The following ZNF597 variants were observed in gnomAD, a reference collection of about 807,000 sequenced individuals.
The protein encoded by ZNF597 is zinc finger protein 597.
ZNF597 carries 5 observed loss-of-function variants against 7.3 expected under a neutral mutation model. The ratio of observed to expected loss-of-function variants is 0.68; its 90% CI spans 0.36 to 1.44. ZNF597 has a LOEUF of 1.44. ZNF597 is among the 40% of genes most tolerant of loss of function. The pLI is 0.04. For missense variants in ZNF597, 585 were observed against 517.9 expected (o/e 1.13, Z -1.26); for synonymous variants, 209 against 185.4 (o/e 1.13, Z -1.04).
chr16:3,443,032 C>T lies in ZNF597; in HGVS notation c.33+89G>A, dbSNP rs1029472779. The T allele has an allele frequency of 2.5e-5, 38 of 1,526,290 alleles. No individual in the cohort carries two copies. In the South Asian group the frequency reaches 3.7e-4, roughly 15 times the overall value. The allele number at this position is 1,526,290 out of a possible 1,614,324, so 94.5% of individuals were successfully genotyped here. On this transcript the variant is annotated intron_variant, in intron 2 of 3. Coordinates refer to ENST00000301744, the MANE Select transcript of ZNF597 (RefSeq NM_152457.3). Reference sequence around the variant, plus strand: ...GGGCTCAGGAGCACTCCTACCACAACAGGCATGCCCAACTCTCCTCCAAAG... The same window carrying T: ...GGGCTCAGGAGCACTCCTACCACAATAGGCATGCCCAACTCTCCTCCAAAG...
rs1288292761 is a variant in ZNF597, at chr16:3,436,949, C to T, written c.750G>A (p.Met250Ile). ...GATGCTGTGCCAATCCTGGGAGCCA[C>T]ATAAAACCTCTACCACATATGCTAC... ...YTCSICGRGF[M>I]WLPGLAQHQK... is the part of the protein sequence containing the mutation. The change falls in exon 4 of 4, where the codon ATG (methionine) becomes ATA (isoleucine). Residue 250 changes from methionine (M) to isoleucine (I), a missense_variant. Physicochemically the swap from Met to Ile is conservative, Grantham distance 10 (BLOSUM62 1). Coordinates refer to ENST00000301744, the MANE Select transcript of ZNF597 (RefSeq NM_152457.3). 1 of 1,614,082 alleles carries T rather than the reference C, an allele frequency of 6.2e-7. No homozygotes were observed. The highest frequency in any genetic ancestry group is 8.5e-7 in the Non-Finnish European group (1 of 1,180,046).
intron 2 of ZNF597, 80 bp downstream of exon 2, chr16:3,443,041 C>A: frequency 6.4e-7 from 1 of 1,570,858 alleles, no homozygotes; most frequent in Non-Finnish European, 8.8e-7. Flanking sequence ...ACAGGCATGC[C>A]CAACTCTCCT....
chr16:3,436,638 G>T lies in ZNF597; in HGVS notation c.1061C>A (p.Ser354Tyr). ...PDCDMTFPCF[S>Y]ELISHQNIHT... ...AATGTTCTGATGGGAAATAAGCTCAGAGAAACAAGGAAAGGTCATGTCACA... is the reference window on the plus strand; with the variant it reads ...AATGTTCTGATGGGAAATAAGCTCATAGAAACAAGGAAAGGTCATGTCACA... Residue 354 changes from serine (S) to tyrosine (Y), a missense_variant, in exon 4 of 4, where the codon TCT becomes TAT. By Grantham distance (144) the Ser-to-Tyr change is moderately radical (BLOSUM62 -2). Transcript: ENST00000301744. The T allele has an allele frequency of 6.2e-7, 1 of 1,608,036 alleles. No individual in the cohort carries two copies. The highest frequency in any genetic ancestry group is 8.5e-7 in the Non-Finnish European group (1 of 1,176,676).
Position 3,436,834 on chromosome 16 carries a change from T to C in ZNF597, c.865A>G (p.Thr289Ala). 1 of 1,614,014 alleles carries C rather than the reference T, an allele frequency of 6.2e-7. No individual in the cohort carries two copies. The highest frequency in any genetic ancestry group is 8.5e-7 in the Non-Finnish European group (1 of 1,180,044). ...TGGTACTGGGGGCCTGATACGAATG[T>C]TTCCTCAGGCAAAGCAAGATTTGGT... The part of the protein sequence containing the change: ...EKPNLALPEE[T>A]FVSGPQYQHT... The change falls in exon 4 of 4, where the codon ACA becomes GCA. Residue 289 changes from threonine to alanine, a missense_variant. Coordinates refer to ENST00000301744, the MANE Select transcript of ZNF597 (RefSeq NM_152457.3).
rs1221316620 is a variant in ZNF597 at position 3,443,146 on chromosome 16, G to A, written c.8C>T (p.Ser3Phe). The change falls in exon 2 of 4, where the codon TCC (serine) becomes TTC (phenylalanine). Residue 3 changes from serine (S) to phenylalanine (F), a missense_variant. Coordinates refer to ENST00000301744, the MANE Select transcript of ZNF597 (RefSeq NM_152457.3). MASMPPTPEAQGP... is the reference protein window; with the variant it reads MAFMPPTPEAQGP... Reference sequence around the variant, plus strand: ...CTGGGCCTCGGGCGTCGGGGGCATGGACGCCATTTGGCGGGTGGGGAATGC... The same window carrying A: ...CTGGGCCTCGGGCGTCGGGGGCATGAACGCCATTTGGCGGGTGGGGAATGC... The A allele has an allele frequency of 6.2e-7, 1 of 1,613,436 alleles. No individual in the cohort carries two copies. Among genetic ancestry groups the A allele is most frequent in the South Asian group, 1.1e-5 (1 of 90,992 alleles).
Position 3,437,161 on chromosome 16 carries a change from CTGAA to C in ZNF597, c.534_537del (p.His178GlnfsTer21). 1 of 1,614,088 alleles carries C rather than the reference CTGAA, an allele frequency of 6.2e-7. No individual in the cohort carries two copies. The highest frequency in any genetic ancestry group is 1.1e-5 in the South Asian group (1 of 91,084). ...TCACCACATTTATGTTTTTTCTCTC[CTGAA>C]TGAATTTTCTGATGCAAAACTAGGT... On this transcript the variant is annotated frameshift_variant, in exon 4 of 4. Transcript: ENST00000301744. LOFTEE classifies it low-confidence loss of function (END_TRUNC).
intron 3 of ZNF597, among the ~76,000 whole-genome samples, chr16:3,437,825 A>G (rs184995948): frequency 6.6e-6 from 1 of 152,328 alleles, no homozygotes; most frequent in Admixed American, 6.5e-5. Context: ...CTAGAGGTGA[A>G]CTTTTCCATC....
chr16:3,437,151 T>A lies in ZNF597; in HGVS notation c.548A>T (p.Lys183Ile). 1.2e-6 allele frequency: 2 copies of A among 1,614,132 alleles called. No individual in the cohort carries two copies. Among genetic ancestry groups the A allele is most frequent in the Non-Finnish European group, 1.7e-6 (2 of 1,180,028 alleles). The change falls in exon 4 of 4, where the codon AAA becomes ATA. Residue 183 changes from lysine to isoleucine, a missense_variant. Coordinates refer to ENST00000301744, the MANE Select transcript of ZNF597 (RefSeq NM_152457.3). ...LHQKIHSGEK[K>I]HKCGDCGKIF... ...CTTTCCACAGTCACCACATTTATGTTTTTTCTCTCCTGAATGAATTTTCTG... is the reference window on the plus strand; with the variant it reads ...CTTTCCACAGTCACCACATTTATGTATTTTCTCTCCTGAATGAATTTTCTG...
rs1186312932 is a variant in ZNF597 at position 3,443,503 on chromosome 16, C to T, written c.-197G>A. 2 of 508,942 alleles carry T rather than the reference C, an allele frequency of 3.9e-6. No individual in the cohort carries two copies. The highest frequency in any genetic ancestry group is 6.8e-6 in the Non-Finnish European group (2 of 292,528). 31.5% of individuals were successfully genotyped at this position (508,942 alleles called of 1,614,324 possible). On this transcript the variant is annotated 5_prime_UTR_variant, in exon 1 of 4. Transcript: ENST00000301744. Reference sequence around the variant, plus strand: ...CTTTACGCAGGAGCTGCGGGAAAAGCCGCCGGAAGCGACCCGCCCTCAGCC... The same window carrying T: ...CTTTACGCAGGAGCTGCGGGAAAAGTCGCCGGAAGCGACCCGCCCTCAGCC...
At position 3,436,745 on chromosome 16, in the gene ZNF597, G is replaced by A. The variant is rs767692694; in HGVS notation, c.954C>T (p.His318=). 8.1e-6 allele frequency: 13 copies of A among 1,613,896 alleles called. No homozygotes were observed. Among genetic ancestry groups the A allele is most frequent in the African/African-American group, 5.3e-5 (4 of 75,032 alleles). Residue 318 remains histidine, a synonymous_variant, in exon 4 of 4, where the codon CAC becomes CAT. Transcript: ENST00000301744. ...SLYPALSEKS[H]DEDSERCSDD... is the part of the protein sequence containing the mutation. Reference sequence around the variant, plus strand: ...CGCTGCAGCGTTCAGAGTCCTCGTCGTGGCTCTTCTCGGAAAGGGCAGGAT... The same window carrying A: ...CGCTGCAGCGTTCAGAGTCCTCGTCATGGCTCTTCTCGGAAAGGGCAGGAT...
chr16:3,442,332 T>C (rs994404380), intron 2 of ZNF597, among the ~76,000 whole-genome samples: 11 of 152,120 alleles, frequency 7.2e-5, no homozygotes, highest in African/African-American at 1.9e-4. Context: ...GGTGGGAGGA[T>C]AGCTGAAGGC....
At position 3,435,036 on chromosome 16, in the gene ZNF597, A is replaced by G. The variant is rs1414276005; in HGVS notation, c.*1388T>C. The G allele has an allele frequency of 1.3e-5, 2 of 152,222 alleles. No homozygotes were observed. The highest frequency in any genetic ancestry group is 4.8e-5 in the African/African-American group (2 of 41,454). The allele number at this position is 152,222 out of a possible 1,614,324, so 9.4% of individuals were successfully genotyped here. A position where few individuals can be genotyped will look rare whatever the true frequency, so the allele number is the denominator to read the frequency against. On this transcript the variant is annotated 3_prime_UTR_variant, in exon 4 of 4. Coordinates refer to ENST00000301744, the MANE Select transcript of ZNF597 (RefSeq NM_152457.3). ...TCCAGTATTTATCTATAATAGCAATATCTAAAGATCTATATATTATCAAGT... is the reference window on the plus strand; with the variant it reads ...TCCAGTATTTATCTATAATAGCAATGTCTAAAGATCTATATATTATCAAGT...
Position 3,436,594 on chromosome 16 carries a change from G to T in ZNF597, c.1105C>A (p.His369Asn), listed in dbSNP as rs2034302843. The T allele has an allele frequency of 6.2e-7, 1 of 1,607,572 alleles. No homozygotes were observed. Among genetic ancestry groups the T allele is most frequent in the African/African-American group, 1.3e-5 (1 of 74,760 alleles). Residue 369 changes from histidine (H) to asparagine (N), a missense_variant, in exon 4 of 4, where the codon CAT (histidine) becomes AAT (asparagine). Physicochemically the swap from His to Asn is moderately conservative, Grantham distance 68. Transcript: ENST00000301744. ...HQNIHTEERP[H>N]KCKTCEESFA... ...CTTTCCTCGCATGTTTTGCACTTAT[G>T]GGGCCTTTCCTCTGTATGAATGTTC...
Position 3,436,630 on chromosome 16 carries a change from T to C in ZNF597, c.1069A>G (p.Ile357Val). The C allele has an allele frequency of 6.2e-7, 1 of 1,606,674 alleles. No homozygotes were observed. The highest frequency in any genetic ancestry group is 8.5e-7 in the Non-Finnish European group (1 of 1,176,012). The change falls in exon 4 of 4, where the codon ATT becomes GTT. Residue 357 changes from isoleucine (I) to valine (V), a missense_variant. Transcript: ENST00000301744. Reference protein sequence around the residue: ...DMTFPCFSELISHQNIHTEER... With the variant: ...DMTFPCFSELVSHQNIHTEER... ...TCTGTATGAATGTTCTGATGGGAAATAAGCTCAGAGAAACAAGGAAAGGTC... is the reference window on the plus strand; with the variant it reads ...TCTGTATGAATGTTCTGATGGGAAACAAGCTCAGAGAAACAAGGAAAGGTC...
chr16:3,438,916 G>A (rs17136410), intron 3 of ZNF597, among the ~76,000 whole-genome samples: 6,677 of 152,240 alleles, frequency 0.044, 337 homozygotes, highest in African/African-American at 0.12. Context: ...GACTAGAAAG[G>A]GCTGCAGTAT....
Position 3,438,543 on chromosome 16 carries a change from A to T in ZNF597, c.161-1005T>A, listed in dbSNP as rs189535251. ...GCGCCACTGCACTCCAGCCTGGGCG[A>T]CAGAGCAAGACTCTGTCTCAAAAAA... On this transcript the variant is annotated intron_variant, in intron 3 of 3. Transcript: ENST00000301744. 5.9e-3 allele frequency among the ~76,000 whole-genome samples: 901 copies of T among 152,122 alleles called. 13 individuals carry two copies. The highest frequency in any genetic ancestry group is 0.02 in the African/African-American group (848 of 41,528).
At chr16:3,438,375 C>A (rs1025884503) in intron 3 of ZNF597, among the ~76,000 whole-genome samples, 3 of 151,726 alleles carry the variant, frequency 2.0e-5, no homozygotes, top group African/African-American at 7.3e-5. Flanking sequence ...CTGGCTAACA[C>A]GGTGAAACCC....
Position 3,437,064 on chromosome 16 carries a change from T to A in ZNF597, c.635A>T (p.Tyr212Phe). Residue 212 changes from tyrosine (Y) to phenylalanine (F), a missense_variant, in exon 4 of 4, where the codon TAT (tyrosine) becomes TTT (phenylalanine). By Grantham distance (22) the Tyr-to-Phe change is conservative. Coordinates refer to ENST00000301744, the MANE Select transcript of ZNF597 (RefSeq NM_152457.3). ...GCTGGCACTGCACTTGGCACACTTA[T>A]AAGGTTTCTCACCAGTATGGATTCT... is the stretch of plus-strand genomic sequence containing the variant. ...HRRIHTGEKP[Y>F]KCAKCSASFR... 6.2e-7 allele frequency: 1 copy of A among 1,614,214 alleles called. No homozygotes were observed. The highest frequency in any genetic ancestry group is 1.3e-5 in the African/African-American group (1 of 75,052).
intron 2 of ZNF597, among the ~76,000 whole-genome samples, chr16:3,442,348 G>A (rs1005551406): frequency 6.6e-6 from 1 of 152,126 alleles, no homozygotes; most frequent in African/African-American, 2.4e-5. Context: ...AAGGCCAGGA[G>A]TTCCTTGGCA....
Sources: allele counts gnomAD v4.1 joint callset (sites outside exome capture counted in the v4.1 genomes callset), GRCh38; gene constraint gnomAD v4.1.1; transcripts MANE v1.5; gene names NCBI Gene and HGNC (gene_info 2026-07-23, HGNC 2026-07-21).